The following GDAP2 variants were observed in gnomAD, a reference collection of about 807,000 sequenced individuals.
The protein encoded by GDAP2 is ganglioside-induced differentiation-associated protein 2.
GDAP2 carries 51 observed loss-of-function variants against 67.0 expected under a neutral mutation model. The observed-to-expected ratio is 0.76, with a 90% CI of 0.61 to 0.96. The LOEUF is 0.96. GDAP2 is among the 40% of genes least tolerant of loss of function. The pLI is 0.00. For synonymous variants in GDAP2, 203 were observed against 207.3 expected, an observed-to-expected ratio of 0.98 and a Z score of 0.18; for missense variants, 547 against 588.3, an observed-to-expected ratio of 0.93 and a Z score of 0.73.
intron 8 of GDAP2, among the ~76,000 whole-genome samples, chr1:117,890,102 G>T (rs1267755659): frequency 6.6e-6 from 1 of 152,072 alleles, no homozygotes; most frequent in Non-Finnish European, 1.5e-5. Flanking sequence ...AATTAACTTT[G>T]TAATAAGAAC....
In GDAP2 at chr1:117,908,832, T is replaced by A. The variant is rs531387200; in HGVS notation, c.560-2250A>T. On this transcript the variant is annotated intron_variant, in intron 5 of 13. Coordinates refer to ENST00000369443, the MANE Select transcript of GDAP2 (RefSeq NM_017686.4). The stretch of plus-strand genomic sequence containing the variant: ...AGTGTATGACTCTATCTCAAAAAAA[T>A]AAATAAATAAATAAATAAATAAATA... Among the ~76,000 whole-genome samples, 154 of 140,684 alleles carry A rather than the reference T, an allele frequency of 1.1e-3. No individual in the cohort carries two copies. In the South Asian group the frequency reaches 0.015, roughly 14 times the overall value. 92.3% of individuals were successfully genotyped at this position (140,684 alleles called of 152,430 possible).
At chr1:117,882,281 T>C (rs1648677152) in intron 11 of GDAP2, among the ~76,000 whole-genome samples, 1 of 152,088 alleles carries the variant, frequency 6.6e-6, no homozygotes, top group Non-Finnish European at 1.5e-5. Flanking sequence ...CAACAACAGA[T>C]TGTTGTAACA....
chr1:117,914,918 G>A (rs1028697410), intron 3 of GDAP2, among the ~76,000 whole-genome samples: 1 of 151,912 alleles, frequency 6.6e-6, no homozygotes, highest in African/African-American at 2.4e-5. Context: ...ACAAAAATGA[G>A]AGATCCAATC....
chr1:117,884,717 T>C (rs1289293736), intron 10 of GDAP2, among the ~76,000 whole-genome samples: 3 of 152,058 alleles, frequency 2.0e-5, no homozygotes, highest in Non-Finnish European at 2.9e-5. Context: ...ATTAATCACA[T>C]TATTATGAAA....
rs1331969087 is a variant in GDAP2, at chr1:117,868,588, CAGGTTCTTG to C, written c.*1972_*1980del. On this transcript the variant is annotated 3_prime_UTR_variant, in exon 14 of 14. Coordinates refer to ENST00000369443, the MANE Select transcript of GDAP2 (RefSeq NM_017686.4). ...TATCTCTACAGAAAATGGTTTGGGC[CAGGTTCTTG>C]AGGTAGCCAAGTTCCCCTTTAACAA... 2.0e-5 allele frequency: 3 copies of C among 152,094 alleles called. No homozygotes were observed. The highest frequency in any genetic ancestry group is 7.2e-5 in the African/African-American group (3 of 41,410). 9.4% of individuals were successfully genotyped at this position (152,094 alleles called of 1,614,324 possible).
At chr1:117,873,786 G>A (rs1375385424) in intron 13 of GDAP2, among the ~76,000 whole-genome samples, 1 of 151,996 alleles carries the variant, frequency 6.6e-6, no homozygotes, top group Non-Finnish European at 1.5e-5. Flanking sequence ...TTCATCCTTA[G>A]TGGCTACTCA....
chr1:117,883,200 TAA>T (rs1355166151), intron 11 of GDAP2: 6 of 204,342 alleles, frequency 2.9e-5, no homozygotes, highest in African/African-American at 4.7e-5. Context: ...ATAATGTTTA[TAA>T]ATGTATTTTG....
chr1:117,901,242 CA>C (rs1649458824), intron 6 of GDAP2, among the ~76,000 whole-genome samples: 1 of 151,888 alleles, frequency 6.6e-6, no homozygotes, highest in Admixed American at 6.6e-5. Context: ...ACACACACCA[CA>C]TTTTTTTTTA....
intron 3 of GDAP2, among the ~76,000 whole-genome samples, chr1:117,918,078 A>G (rs1442401221): frequency 6.6e-6 from 1 of 152,228 alleles, no homozygotes; most frequent in East Asian, 1.9e-4. Flanking sequence ...TAAATGATAG[A>G]AGGGAAGGAA....
chr1:117,920,102 G>A (rs1001224230), intron 2 of GDAP2, 80 bp downstream of exon 2: 1 of 793,456 alleles, frequency 1.3e-6, no homozygotes. Context: ...TTTCAACAAT[G>A]CTAGGGCTTT....
chr1:117,867,072 T>C lies in GDAP2; in HGVS notation c.*3497A>G, dbSNP rs1036530736. 8 of 152,140 alleles carry C rather than the reference T, an allele frequency of 5.3e-5. No homozygotes were observed. The highest frequency in any genetic ancestry group is 1.9e-4 in the African/African-American group (8 of 41,440). 9.4% of individuals were successfully genotyped at this position (152,140 alleles called of 1,614,324 possible). A position where few individuals can be genotyped will look rare whatever the true frequency, so the allele number is the denominator to read the frequency against. ...TTAAACTCTATATACATACATACTG[T>C]CAATGTATCGGGGAAATACAAAGAG... On this transcript the variant is annotated 3_prime_UTR_variant, in exon 14 of 14. Coordinates refer to ENST00000369443, the MANE Select transcript of GDAP2 (RefSeq NM_017686.4).
intron 8 of GDAP2, among the ~76,000 whole-genome samples, 179 bp from the exon 9 acceptor site, chr1:117,887,953 A>G (rs2101128023): frequency 6.6e-6 from 1 of 152,284 alleles, no homozygotes; most frequent in South Asian, 2.1e-4. Flanking sequence ...TGTTATTGAT[A>G]AAATAAACAC....
intron 5 of GDAP2, among the ~76,000 whole-genome samples, chr1:117,910,122 C>T (rs994499435): frequency 6.6e-6 from 1 of 151,892 alleles, no homozygotes; most frequent in African/African-American, 2.4e-5. Flanking sequence ...AGTAGTCTTC[C>T]ACTGAAGCAG....
At chr1:117,923,114 G>A (rs577769819) in intron 1 of GDAP2, among the ~76,000 whole-genome samples, 12 of 152,294 alleles carry the variant, frequency 7.9e-5, no homozygotes, top group African/African-American at 2.6e-4. Context: ...ACACTTTAAG[G>A]TTATCTCCCT....
chr1:117,913,798 C>A (rs1479923495), intron 3 of GDAP2, among the ~76,000 whole-genome samples: 1 of 152,042 alleles, frequency 6.6e-6, no homozygotes, highest in Non-Finnish European at 1.5e-5. Flanking sequence ...ACCCTACCCC[C>A]TAATGTGATG....
chr1:117,896,839 T>C lies in GDAP2; in HGVS notation c.947A>G (p.Gln316Arg). 3 of 1,610,036 alleles carry C rather than the reference T, an allele frequency of 1.9e-6. No homozygotes were observed. The highest frequency in any genetic ancestry group is 2.5e-6 in the Non-Finnish European group (3 of 1,178,216). ...TCCTGAAGGGTTGTCTTACTTTCTT[T>C]GATGCTGCTTCTGCAGAGCTGCCTC... ...LSEAALQKQH[Q>R]RNYNRWLCQA... is the part of the protein sequence containing the mutation. The change falls in exon 8 of 14, where the codon CAA becomes CGA. Residue 316 changes from glutamine (Q) to arginine (R), a missense_variant. By Grantham distance (43) the Gln-to-Arg change is conservative. Coordinates refer to ENST00000369443, the MANE Select transcript of GDAP2 (RefSeq NM_017686.4).
intron 3 of GDAP2, among the ~76,000 whole-genome samples, chr1:117,913,995 C>T (rs943743839): frequency 1.3e-5 from 2 of 152,168 alleles, no homozygotes; most frequent in African/African-American, 4.8e-5. Context: ...CAGAACTTGA[C>T]TATGCTGGCA....
intron 9 of GDAP2, among the ~76,000 whole-genome samples, chr1:117,887,077 C>T (rs1483826988): frequency 6.6e-6 from 1 of 151,956 alleles, no homozygotes; most frequent in Non-Finnish European, 1.5e-5. Flanking sequence ...TACAGGCATG[C>T]ACCACCACAC....
intron 8 of GDAP2, among the ~76,000 whole-genome samples, chr1:117,891,156 A>T (rs866669992): frequency 1.3e-5 from 2 of 149,108 alleles, no homozygotes; most frequent in Middle Eastern, 3.4e-3. Flanking sequence ...TACTAGATAA[A>T]AACTATAGAT....
Sources: gnomAD v4.1 joint callset for allele counts (sites outside exome capture counted in the v4.1 genomes callset) on GRCh38, gnomAD v4.1.1 for gene constraint, MANE v1.5 for transcripts, NCBI Gene and HGNC (gene_info 2026-07-23, HGNC 2026-07-21) for gene names.